Variants in TAS2R1 observed in about 807,000 individuals in gnomAD.
TAS2R1 encodes the protein taste 2 receptor member 1.
For synonymous variants in TAS2R1, 141 were observed against 134.2 expected, an observed-to-expected ratio of 1.05 and a Z score of -0.35; for missense variants, 370 against 353.4, an observed-to-expected ratio of 1.05 and a Z score of -0.38.
the TAS2R1 span, among the ~76,000 whole-genome samples, chr5:9,895,000 C>T: frequency 6.6e-6 from 1 of 152,210 alleles, no homozygotes; most frequent in African/African-American, 2.4e-5. Flanking sequence ...TGGAGAAGAC[C>T]ATGTGGTGGT....
chr5:9,733,663 T>A, the TAS2R1 span, among the ~76,000 whole-genome samples: 1 of 152,154 alleles, frequency 6.6e-6, no homozygotes, highest in Non-Finnish European at 1.5e-5. Flanking sequence ...GAAGCTCGTG[T>A]GGAAAACCGA....
At chr5:9,853,044 G>C in the TAS2R1 span, among the ~76,000 whole-genome samples, 1 of 152,140 alleles carries the variant, frequency 6.6e-6, no homozygotes, top group Non-Finnish European at 1.5e-5. Context: ...GGGGAGGTAG[G>C]ATATGCAGGA....
At chr5:9,758,172 G>T in the TAS2R1 span, among the ~76,000 whole-genome samples, 1 of 152,078 alleles carries the variant, frequency 6.6e-6, no homozygotes, top group Admixed American at 6.6e-5. Context: ...AAGAATATTT[G>T]ATTTACTTAG....
chr5:9,710,154 G>C (rs1017530226), intron 1 of TAS2R1, among the ~76,000 whole-genome samples: 1 of 152,240 alleles, frequency 6.6e-6, no homozygotes, highest in African/African-American at 2.4e-5. Flanking sequence ...CCTTTACAAA[G>C]AGCATGCCTT....
At chr5:9,750,203 T>C in the TAS2R1 span, among the ~76,000 whole-genome samples, 3 of 152,216 alleles carry the variant, frequency 2.0e-5, no homozygotes, top group Non-Finnish European at 4.4e-5. Context: ...GGACCAGCAC[T>C]TGCTCACATA....
chr5:9,873,988 G>GAGAGAGGAAGGA, the TAS2R1 span, among the ~76,000 whole-genome samples: 8 of 146,882 alleles, frequency 5.4e-5, no homozygotes, highest in South Asian at 1.8e-3. Context: ...AAGAAAAAGA[G>GAGAGAGGAAGGA]AGAGAGGAAG....
At chr5:9,776,287 C>A in the TAS2R1 span, among the ~76,000 whole-genome samples, 3 of 152,184 alleles carry the variant, frequency 2.0e-5, no homozygotes, top group Admixed American at 2.0e-4. Flanking sequence ...TGCATGGATT[C>A]TCTCTCCATG....
intron 2 of TAS2R1, among the ~76,000 whole-genome samples, chr5:9,639,154 C>T (rs897459698): frequency 7.2e-5 from 11 of 152,182 alleles, no homozygotes; most frequent in African/African-American, 2.7e-4. Flanking sequence ...CAGTCAAAAC[C>T]ATTACCAATT....
chr5:9,803,247 T>C, the TAS2R1 span, among the ~76,000 whole-genome samples: 4 of 152,324 alleles, frequency 2.6e-5, no homozygotes, highest in South Asian at 8.3e-4. Context: ...GGGACTATGT[T>C]AAATGTTCAA....
At chr5:9,778,405 A>T in the TAS2R1 span, among the ~76,000 whole-genome samples, 6 of 152,218 alleles carry the variant, frequency 3.9e-5, no homozygotes, top group African/African-American at 1.4e-4. Context: ...CCTGGCTTCA[A>T]CTTAAAGTTA....
At chr5:9,892,702 G>A in the TAS2R1 span, among the ~76,000 whole-genome samples, 1 of 152,146 alleles carries the variant, frequency 6.6e-6, no homozygotes, top group South Asian at 2.1e-4. Flanking sequence ...AGAACTGTCT[G>A]CGGAAAAGCG....
At chr5:9,788,662 G>A in the TAS2R1 span, among the ~76,000 whole-genome samples, 1 of 152,158 alleles carries the variant, frequency 6.6e-6, no homozygotes, top group African/African-American at 2.4e-5. Context: ...GGGTCTATTT[G>A]TCTTGCCTTT....
chr5:9,772,499 G>C, the TAS2R1 span, among the ~76,000 whole-genome samples: 2 of 151,914 alleles, frequency 1.3e-5, no homozygotes, highest in African/African-American at 4.8e-5. Flanking sequence ...TAAAATGTTG[G>C]GTAAATGTCT....
the TAS2R1 span, among the ~76,000 whole-genome samples, chr5:9,820,932 A>G: frequency 6.6e-6 from 1 of 152,124 alleles, no homozygotes; most frequent in East Asian, 1.9e-4. Flanking sequence ...TGCCATCATC[A>G]GCCTATATCC....
chr5:9,849,085 A>C, the TAS2R1 span, among the ~76,000 whole-genome samples: 2 of 152,256 alleles, frequency 1.3e-5, no homozygotes, highest in Non-Finnish European at 2.9e-5. Context: ...CACATGGGGC[A>C]AAAGCACAGC....
the TAS2R1 span, among the ~76,000 whole-genome samples, chr5:9,900,467 A>G: frequency 6.6e-6 from 1 of 152,242 alleles, no homozygotes; most frequent in African/African-American, 2.4e-5. Flanking sequence ...ATTTTGTTTC[A>G]GTATCAAATG....
chr5:9,645,677 A>G (rs1019177865), intron 2 of TAS2R1: 1 of 152,156 alleles, frequency 6.6e-6, no homozygotes, highest in Non-Finnish European at 1.5e-5. Context: ...ATGAGACCCA[A>G]ATTCATCAAG....
At chr5:9,800,797 A>G in the TAS2R1 span, among the ~76,000 whole-genome samples, 2 of 152,192 alleles carry the variant, frequency 1.3e-5, no homozygotes, top group South Asian at 4.1e-4. Flanking sequence ...TTGAAGCCCT[A>G]TCTCCCAGTG....
chr5:9,752,295 C>G, the TAS2R1 span, among the ~76,000 whole-genome samples: 1 of 152,132 alleles, frequency 6.6e-6, no homozygotes, highest in Admixed American at 6.6e-5. Flanking sequence ...GTCTTGTCAG[C>G]CAATGTTAGC....
Sources: gnomAD v4.1 joint callset for allele counts (sites outside exome capture counted in the v4.1 genomes callset) on GRCh38, gnomAD v4.1.1 for gene constraint, MANE v1.5 for transcripts, NCBI Gene and HGNC (gene_info 2026-07-23, HGNC 2026-07-21) for gene names.